Variants in RTN1 observed in about 807,000 individuals in gnomAD.
RTN1 encodes the protein reticulon-1.
In RTN1, 25 loss-of-function variants were observed where a neutral mutation model predicts 65.5. That is an observed-to-expected ratio of 0.38 (90% confidence interval 0.28 to 0.53). The LOEUF (loss-of-function observed/expected upper bound fraction) is 0.53. RTN1 is among the 20% of genes least tolerant of loss of function. The pLI, the probability that RTN1 is intolerant of heterozygous loss-of-function variation, is 0.79. For synonymous variants in RTN1, 471 were observed against 447.6 expected (o/e 1.05, Z -0.66); for missense variants, 983 against 1,025.4 (o/e 0.96, Z 0.57).
At chr14:59,863,310 A>G (rs1443254932) in intron 1 of RTN1, among the ~76,000 whole-genome samples, 1 of 152,070 alleles carries the variant, frequency 6.6e-6, no homozygotes, top group Non-Finnish European at 1.5e-5. Flanking sequence ...GTCTACAAAT[A>G]CCATCTCTTA....
At chr14:59,818,904 G>C (rs1886870644) in intron 1 of RTN1, among the ~76,000 whole-genome samples, 1 of 152,168 alleles carries the variant, frequency 6.6e-6, no homozygotes, top group African/African-American at 2.4e-5. Context: ...TGTTGGTCTT[G>C]CTGACTTCAA....
chr14:59,859,962 G>C (rs1024212631), intron 1 of RTN1, among the ~76,000 whole-genome samples: 2 of 152,188 alleles, frequency 1.3e-5, no homozygotes, highest in African/African-American at 4.8e-5. Flanking sequence ...AGTTTCATAA[G>C]GGAAACAGAG....
intron 3 of RTN1, among the ~76,000 whole-genome samples, chr14:59,691,937 C>T (rs1883970548): frequency 2.0e-5 from 3 of 152,024 alleles, no homozygotes; most frequent in Admixed American, 2.0e-4. Context: ...GAACATACCT[C>T]AAAATAAAAA....
chr14:59,817,473 G>A (rs1886842994), intron 1 of RTN1, among the ~76,000 whole-genome samples: 1 of 152,058 alleles, frequency 6.6e-6, no homozygotes, highest in South Asian at 2.1e-4. Flanking sequence ...TGACAAAGGG[G>A]GTGTCCTGAA....
rs1251176117 is a variant in RTN1, at chr14:59,775,891, A to C, written c.242-29410T>G. On this transcript the variant is annotated intron_variant, in intron 1 of 8. Transcript: ENST00000267484. The stretch of plus-strand genomic sequence containing the variant: ...AAGAAGAGAAGCCATTTGAAGTCTA[A>C]ACTGTTCCTCTCACAACCAGAAATA... Among the ~76,000 whole-genome samples the C allele has an allele frequency of 3.3e-5, 5 of 152,296 alleles. 1 individual carries two copies. The South Asian group carries it at 8.3e-4, about 25-fold the overall frequency.
At chr14:59,801,036 T>C (rs148770127) in intron 1 of RTN1, among the ~76,000 whole-genome samples, 2 of 151,910 alleles carry the variant, frequency 1.3e-5, no homozygotes, top group Non-Finnish European at 2.9e-5. Context: ...CTAGAAATTG[T>C]CCAAGCTGAA....
At chr14:59,668,617 C>T (rs1357651093) in intron 3 of RTN1, among the ~76,000 whole-genome samples, 1 of 152,162 alleles carries the variant, frequency 6.6e-6, no homozygotes, top group African/African-American at 2.4e-5. Flanking sequence ...TCTAATTAAA[C>T]TAAAGAGCTT....
chr14:59,701,171 T>A (rs1227160476), intron 3 of RTN1, among the ~76,000 whole-genome samples: 1 of 152,106 alleles, frequency 6.6e-6, no homozygotes, highest in Admixed American at 6.6e-5. Context: ...TGGCTAAAAT[T>A]AAAAAGTGTG....
At chr14:59,770,143 C>T (rs1267441770) in intron 1 of RTN1, among the ~76,000 whole-genome samples, 1 of 151,670 alleles carries the variant, frequency 6.6e-6, no homozygotes, top group Admixed American at 6.6e-5. Context: ...TTTGGGAGGC[C>T]GAGGTGGGCA....
intron 3 of RTN1, among the ~76,000 whole-genome samples, chr14:59,665,905 T>C (rs768967191): frequency 2.0e-5 from 3 of 152,132 alleles, no homozygotes; most frequent in Admixed American, 6.5e-5. Context: ...CCTAAATATA[T>C]ATGCACCAAA....
intron 3 of RTN1, among the ~76,000 whole-genome samples, chr14:59,703,295 G>C (rs1254322148): frequency 6.6e-6 from 1 of 152,188 alleles, no homozygotes; most frequent in East Asian, 1.9e-4. Context: ...AGCCCAGGGT[G>C]GGAGGTGATT....
At chr14:59,756,434 A>G (rs1239193777) in intron 1 of RTN1, among the ~76,000 whole-genome samples, 1 of 152,194 alleles carries the variant, frequency 6.6e-6, no homozygotes, top group Non-Finnish European at 1.5e-5. Context: ...ACTCTTTTAA[A>G]GTGTACAATT....
intron 3 of RTN1, among the ~76,000 whole-genome samples, chr14:59,653,369 T>C (rs942824228): frequency 7.3e-6 from 1 of 137,440 alleles, no homozygotes; most frequent in Admixed American, 7.9e-5. Flanking sequence ...GATAATTCAT[T>C]GCTAGCAGAC....
At chr14:59,688,749 A>AG (rs1326251430) in intron 3 of RTN1, among the ~76,000 whole-genome samples, 1 of 151,754 alleles carries the variant, frequency 6.6e-6, no homozygotes, top group Non-Finnish European at 1.5e-5. Context: ...TCCTCCAGGG[A>AG]GGGGGTGAAA....
intron 1 of RTN1, among the ~76,000 whole-genome samples, chr14:59,841,707 A>G (rs1216200857): frequency 7.1e-6 from 1 of 141,792 alleles, no homozygotes; most frequent in Non-Finnish European, 1.5e-5. Flanking sequence ...ACTCCATTAA[A>G]AAAAAAAACA....
At chr14:59,602,896 T>G (rs983154389) in intron 8 of RTN1, among the ~76,000 whole-genome samples, 169 bp downstream of exon 8, 1 of 152,182 alleles carries the variant, frequency 6.6e-6, no homozygotes, top group African/African-American at 2.4e-5. Context: ...AACTTATGCT[T>G]ATTTTCTAAA....
rs1566710861 is a variant in RTN1 at position 59,749,130 on chromosome 14, ATCTATATCTATCTATCTATC to A, written c.242-2669_242-2650del. Among the ~76,000 whole-genome samples the A allele has an allele frequency of 8.2e-4, 14 of 17,156 alleles. 3 individuals carry two copies. Among genetic ancestry groups the A allele is most frequent in the African/African-American group, 2.0e-3 (12 of 5,986 alleles). The allele number at this position is 17,156 out of a possible 152,430, so 11.3% of individuals were successfully genotyped here. A position where few individuals can be genotyped will look rare whatever the true frequency, so the allele number is the denominator to read the frequency against. On this transcript the variant is annotated intron_variant, in intron 1 of 8. Transcript: ENST00000267484. ...TATATATATATATATATATAGATAT[ATCTATATCTATCTATCTATC>A]TATCTATATCTATCTATATATCTAT... is the stretch of plus-strand genomic sequence containing the variant.
At position 59,727,055 on chromosome 14, in the gene RTN1, C is replaced by G. The variant is rs150979118; in HGVS notation, c.1629G>C (p.Leu543=). The change falls in exon 3 of 9, where the codon CTG becomes CTC. Residue 543 remains leucine (L), a synonymous_variant. Coordinates refer to ENST00000267484, the MANE Select transcript of RTN1 (RefSeq NM_021136.3). The surrounding 1 kb of genome is among the most constrained non-coding windows in gnomAD (Gnocchi z 4.2). ...GPELPPGDGA[L]EPETPMLPRK... is the part of the protein sequence containing the mutation. ...GTGGCAACATGGGCGTCTCAGGCTCCAGGGCTCCGTCTCCAGGGGGCAGCT... is the reference window on the plus strand; with the variant it reads ...GTGGCAACATGGGCGTCTCAGGCTCGAGGGCTCCGTCTCCAGGGGGCAGCT... 7.0e-5 allele frequency: 113 copies of G among 1,613,206 alleles called. No homozygotes were observed. Among genetic ancestry groups the G allele is most frequent in the Non-Finnish European group, 9.1e-5 (107 of 1,179,684 alleles).
chr14:59,860,254 G>A (rs1373212374), intron 1 of RTN1, among the ~76,000 whole-genome samples: 1 of 152,214 alleles, frequency 6.6e-6, no homozygotes, highest in Non-Finnish European at 1.5e-5. Context: ...AGCCACTCCA[G>A]CCATGGCTGA....
Sources: allele counts gnomAD v4.1 joint callset (sites outside exome capture counted in the v4.1 genomes callset), GRCh38; gene constraint gnomAD v4.1.1; non-coding constraint Gnocchi (gnomAD v3.1); transcripts MANE v1.5; gene names NCBI Gene and HGNC (gene_info 2026-07-23, HGNC 2026-07-21).